Variants in GABRG3 observed in about 807,000 individuals in gnomAD.
GABRG3 encodes the protein gamma-aminobutyric acid receptor subunit gamma-3.
Under a neutral mutation model 48.8 loss-of-function variants are expected in GABRG3, and 25 were observed. The ratio of observed to expected loss-of-function variants is 0.51; its 90% confidence interval spans 0.37 to 0.72. The LOEUF (loss-of-function observed/expected upper bound fraction) is 0.72, where lower values mean the gene tolerates loss of function less well. Among genes scored for constraint, GABRG3 ranks in the 30% least tolerant of loss-of-function variants. The pLI, the probability that GABRG3 is intolerant of heterozygous loss-of-function variation, is 0.00. For synonymous variants in GABRG3, 227 were observed against 217.6 expected (o/e 1.04, Z -0.38); for missense variants, 394 against 577.9 (o/e 0.68, Z 3.26).
At chr15:27,520,273 G>A in intron 7 of GABRG3, 149 bp downstream of exon 7, 1 of 799,700 alleles carries the variant, frequency 1.3e-6, no homozygotes, top group Non-Finnish European at 2.0e-6. Flanking sequence ...CTCTTAAGAA[G>A]CCAAGCAAGG....
chr15:27,058,198 G>A (rs1205125276), intron 3 of GABRG3, among the ~76,000 whole-genome samples: 2 of 152,150 alleles, frequency 1.3e-5, no homozygotes, highest in East Asian at 1.9e-4. Flanking sequence ...TCTTAAATAC[G>A]CAGGGACAAA....
intron 5 of GABRG3, among the ~76,000 whole-genome samples, chr15:27,387,390 A>G (rs892503542): frequency 6.6e-6 from 1 of 152,076 alleles, no homozygotes; most frequent in African/African-American, 2.4e-5. Flanking sequence ...ATTCTGGCCT[A>G]CTTTTGTGGG....
chr15:27,116,818 G>A (rs1595533762), intron 3 of GABRG3, among the ~76,000 whole-genome samples: 1 of 152,190 alleles, frequency 6.6e-6, no homozygotes, highest in Non-Finnish European at 1.5e-5. Flanking sequence ...AGGACAGACA[G>A]CATTCATGCC....
rs1897725479 is a variant in GABRG3 at position 27,121,224 on chromosome 15, T to A, written c.270+94403T>A. Among the ~76,000 whole-genome samples the A allele has an allele frequency of 2.0e-5, 3 of 152,146 alleles. No individual in the cohort carries two copies. In the South Asian group the frequency reaches 6.2e-4, roughly 32 times the overall value. On this transcript the variant is annotated intron_variant, in intron 3 of 9. Coordinates refer to ENST00000615808, the MANE Select transcript of GABRG3 (RefSeq NM_033223.5). ...CTGGTTATTCTGGAAGCTGGTTAAT[T>A]TTCTCACCAACAGAATGGAGTTTGT... is the stretch of plus-strand genomic sequence containing the variant.
At chr15:27,396,705 A>C (rs1262449723) in intron 5 of GABRG3, among the ~76,000 whole-genome samples, 2 of 152,362 alleles carry the variant, frequency 1.3e-5, no homozygotes, top group South Asian at 2.1e-4. Flanking sequence ...TGCTTTATTC[A>C]TAATTGCCAA....
chr15:27,150,738 G>C (rs1032857519), intron 3 of GABRG3, among the ~76,000 whole-genome samples: 8 of 152,242 alleles, frequency 5.3e-5, no homozygotes, highest in Admixed American at 1.3e-4. Flanking sequence ...GTTACTGGCA[G>C]AGTGCAGATG....
intron 2 of GABRG3, among the ~76,000 whole-genome samples, chr15:27,016,185 T>A (rs1895775050): frequency 6.6e-6 from 1 of 151,938 alleles, no homozygotes; most frequent in African/African-American, 2.4e-5. Flanking sequence ...GCAGCTCTAG[T>A]CATGATGAAC....
At chr15:27,112,465 G>A (rs1897570160) in intron 3 of GABRG3, among the ~76,000 whole-genome samples, 1 of 146,752 alleles carries the variant, frequency 6.8e-6, no homozygotes, top group African/African-American at 2.5e-5. Context: ...TTTGGTATGG[G>A]GTCTCACTGT....
intron 5 of GABRG3, among the ~76,000 whole-genome samples, chr15:27,462,554 G>A (rs1295422634): frequency 6.6e-6 from 1 of 152,144 alleles, no homozygotes; most frequent in Non-Finnish European, 1.5e-5. Context: ...TTAGAGATAA[G>A]TTCTACCAAA....
rs182670432 is a variant in GABRG3 at position 27,260,943 on chromosome 15, C to T, written c.271-65866C>T. On this transcript the variant is annotated intron_variant, in intron 3 of 9. Coordinates refer to ENST00000615808, the MANE Select transcript of GABRG3 (RefSeq NM_033223.5). ...AGCACAGGACAGAAAGAGGAAATCA[C>T]GGGGAAACGCACAGGATGCATGGAA... 2.2e-3 allele frequency among the ~76,000 whole-genome samples: 331 copies of T among 152,064 alleles called. 3 individuals are homozygous for T. Among genetic ancestry groups the T allele is most frequent in the South Asian group, 2.3e-3 (11 of 4,818 alleles).
At chr15:27,521,112 A>G (rs1015842488) in intron 7 of GABRG3, among the ~76,000 whole-genome samples, 18 of 152,178 alleles carry the variant, frequency 1.2e-4, no homozygotes, top group Non-Finnish European at 2.9e-5. Context: ...ATCTAAAGAT[A>G]AGCTTCAAAG....
intron 3 of GABRG3, among the ~76,000 whole-genome samples, chr15:27,220,968 A>G (rs1889433619): frequency 6.6e-6 from 1 of 151,880 alleles, no homozygotes; most frequent in African/African-American, 2.4e-5. Flanking sequence ...CAACCTTTCC[A>G]TTGGATGAAC....
chr15:27,274,789 CCAAA>C (rs1444415260), intron 3 of GABRG3, among the ~76,000 whole-genome samples: 5 of 152,038 alleles, frequency 3.3e-5, no homozygotes, highest in East Asian at 1.9e-4. Flanking sequence ...CTTTTAATGC[CCAAA>C]CAATTATTAT....
At chr15:27,448,657 A>C (rs1889015968) in intron 5 of GABRG3, among the ~76,000 whole-genome samples, 1 of 152,212 alleles carries the variant, frequency 6.6e-6, no homozygotes, top group Admixed American at 6.5e-5. Context: ...AGATTCCACA[A>C]GGAAGATATT....
At chr15:27,240,668 A>G (rs1198211383) in intron 3 of GABRG3, among the ~76,000 whole-genome samples, 3 of 152,230 alleles carry the variant, frequency 2.0e-5, no homozygotes, top group Non-Finnish European at 4.4e-5. Flanking sequence ...TAAATGCATT[A>G]ATAGGAGTCT....
chr15:27,469,032 A>G (rs1316799050), intron 5 of GABRG3, among the ~76,000 whole-genome samples: 4 of 152,212 alleles, frequency 2.6e-5, no homozygotes, highest in African/African-American at 9.6e-5. Flanking sequence ...ACACCTTCCA[A>G]CCAACAGCAG....
chr15:27,348,155 C>CAAAAAAAAAAAA lies in GABRG3; in HGVS notation c.574+19270_574+19271insAAAAAAAAAAAA, dbSNP rs535295684. 1.6e-4 allele frequency among the ~76,000 whole-genome samples: 16 copies of CAAAAAAAAAAAA among 102,970 alleles called. 6 individuals are homozygous for CAAAAAAAAAAAA. The highest frequency in any genetic ancestry group is 5.8e-3 in the Middle Eastern group (1 of 172). 67.6% of individuals were successfully genotyped at this position (102,970 alleles called of 152,430 possible). Reference sequence around the variant, plus strand: ...TGGGTGACAGAGCGAGACTCCATCTCAAATAAATAAAGAGTTGGAGATTTT... The same window carrying CAAAAAAAAAAAA: ...TGGGTGACAGAGCGAGACTCCATCTCAAAAAAAAAAAAAAATAAATAAAGAGTTGGAGATTTT... On this transcript the variant is annotated intron_variant, in intron 5 of 9. Coordinates refer to ENST00000615808, the MANE Select transcript of GABRG3 (RefSeq NM_033223.5).
At chr15:27,095,431 T>A (rs1179255392) in intron 3 of GABRG3, among the ~76,000 whole-genome samples, 2 of 152,180 alleles carry the variant, frequency 1.3e-5, no homozygotes, top group Non-Finnish European at 2.9e-5. Flanking sequence ...ACACACGCTT[T>A]CTCATCACAG....
At chr15:27,104,384 G>T (rs1016260515) in intron 3 of GABRG3, among the ~76,000 whole-genome samples, 2 of 152,236 alleles carry the variant, frequency 1.3e-5, no homozygotes, top group Admixed American at 6.5e-5. Flanking sequence ...GTGAGTTTGA[G>T]TATGAATGTA....
Sources: allele counts gnomAD v4.1 joint callset (sites outside exome capture counted in the v4.1 genomes callset), GRCh38; gene constraint gnomAD v4.1.1; transcripts MANE v1.5; gene names NCBI Gene and HGNC (gene_info 2026-07-23, HGNC 2026-07-21).